The following ADGRB3 variants were observed in gnomAD, a reference collection of about 807,000 sequenced individuals.
ADGRB3 encodes brain-specific angiogenesis inhibitor 3.
In ADGRB3, 37 loss-of-function variants were observed where a neutral mutation model predicts 193.4. The observed-to-expected ratio is 0.19, with a 90% CI of 0.15 to 0.25. The LOEUF is 0.25. ADGRB3 is among the 10% of genes least tolerant of loss of function. The pLI is 1.00. For synonymous variants in ADGRB3, 690 were observed against 644.2 expected (o/e 1.07, Z -1.08); for missense variants, 1,637 against 1,852.9 (o/e 0.88, Z 2.14).
intron 30 of ADGRB3, among the ~76,000 whole-genome samples, chr6:69,378,003 G>T (rs1324125914): frequency 6.6e-6 from 1 of 152,032 alleles, no homozygotes; most frequent in East Asian, 1.9e-4. Context: ...CTTCCATGTG[G>T]CAGTCGCCTT....
In ADGRB3 at chr6:69,197,475, A is replaced by G. The variant is rs1385941471; in HGVS notation, c.2481-35815A>G. Among the ~76,000 whole-genome samples the G allele has an allele frequency of 5.9e-5, 9 of 152,128 alleles. No homozygotes were observed. In the East Asian group the frequency reaches 1.7e-3, roughly 29 times the overall value. On this transcript the variant is annotated intron_variant, in intron 17 of 31. Coordinates refer to ENST00000370598, the MANE Select transcript of ADGRB3 (RefSeq NM_001704.3). ...TACTTAATTGAAAAACTCTGATAAA[A>G]TATTCACTCATTTTTGGACTTCAAA...
At chr6:69,210,552 C>T (rs945252078) in intron 17 of ADGRB3, among the ~76,000 whole-genome samples, 5 of 152,062 alleles carry the variant, frequency 3.3e-5, no homozygotes, top group African/African-American at 1.2e-4. Context: ...CGATAATAAC[C>T]ATCACATACA....
At chr6:68,741,598 C>T (rs1765983519) in intron 3 of ADGRB3, among the ~76,000 whole-genome samples, 1 of 152,088 alleles carries the variant, frequency 6.6e-6, no homozygotes, top group South Asian at 2.1e-4. Flanking sequence ...GTATTGCCCA[C>T]GCTGGTCTTA....
chr6:69,260,916 T>C (rs1486840248), intron 20 of ADGRB3, among the ~76,000 whole-genome samples: 1 of 152,180 alleles, frequency 6.6e-6, no homozygotes, highest in Non-Finnish European at 1.5e-5. Context: ...ATTATCTCTC[T>C]GCAAATGGAC....
chr6:68,739,555 G>A (rs535249054), intron 3 of ADGRB3, among the ~76,000 whole-genome samples: 2 of 152,208 alleles, frequency 1.3e-5, no homozygotes, highest in Admixed American at 1.3e-4. Flanking sequence ...CTAGATGCAG[G>A]TAGGTGATAG....
chr6:69,138,314 G>T (rs919711844), intron 17 of ADGRB3, among the ~76,000 whole-genome samples: 3 of 152,116 alleles, frequency 2.0e-5, no homozygotes, highest in African/African-American at 4.8e-5. Flanking sequence ...ACTATTTCAG[G>T]GTCTTCAGTG....
intron 12 of ADGRB3, among the ~76,000 whole-genome samples, chr6:69,017,641 G>C (rs1770134457): frequency 6.6e-6 from 1 of 151,872 alleles, no homozygotes; most frequent in Admixed American, 6.6e-5. Flanking sequence ...TGGTCCTCTA[G>C]GTAGGCAGGT....
At chr6:69,098,804 T>G (rs1024140103) in intron 17 of ADGRB3, among the ~76,000 whole-genome samples, 1 of 152,202 alleles carries the variant, frequency 6.6e-6, no homozygotes, top group African/African-American at 2.4e-5. Flanking sequence ...GACTTTTTTT[T>G]CATATGAAAT....
intron 17 of ADGRB3, among the ~76,000 whole-genome samples, chr6:69,116,413 C>T (rs1773533921): frequency 1.3e-5 from 2 of 152,100 alleles, no homozygotes; most frequent in Non-Finnish European, 1.5e-5. Flanking sequence ...AGAACTAATA[C>T]TAAATTAAAC....
intron 16 of ADGRB3, among the ~76,000 whole-genome samples, chr6:69,073,138 T>C (rs1340911585): frequency 6.6e-6 from 1 of 152,246 alleles, no homozygotes; most frequent in Admixed American, 6.5e-5. Context: ...GAACATTCCA[T>C]GTCTATGTTC....
intron 3 of ADGRB3, among the ~76,000 whole-genome samples, chr6:68,688,042 G>A (rs1047731901): frequency 9.2e-5 from 14 of 152,120 alleles, no homozygotes; most frequent in Admixed American, 2.0e-4. Flanking sequence ...AGGAAATTGA[G>A]TCAAAAGGAG....
chr6:69,146,295 C>T (rs527402621), intron 17 of ADGRB3, among the ~76,000 whole-genome samples: 1 of 152,220 alleles, frequency 6.6e-6, no homozygotes, highest in Non-Finnish European at 1.5e-5. Context: ...TGACAGTGCC[C>T]AGGCTTGGCT....
chr6:68,833,043 G>A (rs1767983404), intron 3 of ADGRB3, among the ~76,000 whole-genome samples: 1 of 152,080 alleles, frequency 6.6e-6, no homozygotes, highest in Admixed American at 6.6e-5. Context: ...AGACAAGGTT[G>A]TTGCAGGAAG....
chr6:69,171,338 C>G (rs987172125), intron 17 of ADGRB3, among the ~76,000 whole-genome samples: 26 of 151,542 alleles, frequency 1.7e-4, no homozygotes, highest in African/African-American at 6.3e-4. Flanking sequence ...GGAGATGGCT[C>G]TCTTTTCACT....
chr6:68,950,452 A>G (rs544942630), intron 6 of ADGRB3, among the ~76,000 whole-genome samples: 4 of 152,200 alleles, frequency 2.6e-5, no homozygotes, highest in Non-Finnish European at 4.4e-5. Context: ...TTACATTTCA[A>G]TTAAATTTGA....
intron 3 of ADGRB3, among the ~76,000 whole-genome samples, chr6:68,857,568 C>T (rs1013421656): frequency 2.0e-5 from 3 of 152,166 alleles, no homozygotes; most frequent in Non-Finnish European, 4.4e-5. Flanking sequence ...GGAATGGCTG[C>T]ATTTAGGCAA....
chr6:68,681,726 A>G (rs1764900588), intron 3 of ADGRB3, among the ~76,000 whole-genome samples: 1 of 152,144 alleles, frequency 6.6e-6, no homozygotes, highest in South Asian at 2.1e-4. Flanking sequence ...AAAAACAACA[A>G]AAATTAGATT....
intron 8 of ADGRB3, among the ~76,000 whole-genome samples, chr6:68,970,469 A>G (rs1768527074): frequency 1.3e-5 from 2 of 151,772 alleles, no homozygotes; most frequent in Admixed American, 6.6e-5. Context: ...GGTGCACGCC[A>G]CCACACCCAG....
At chr6:68,690,268 G>A (rs1274773358) in intron 3 of ADGRB3, among the ~76,000 whole-genome samples, 1 of 152,138 alleles carries the variant, frequency 6.6e-6, no homozygotes, top group South Asian at 2.1e-4. Context: ...CAACTCTAAT[G>A]TGTGTGCAGG....
Sources: gnomAD v4.1 joint callset for allele counts (sites outside exome capture counted in the v4.1 genomes callset) on GRCh38, gnomAD v4.1.1 for gene constraint, MANE v1.5 for transcripts, NCBI Gene and HGNC (gene_info 2026-07-23, HGNC 2026-07-21) for gene names.